The following TACR3 variants were observed in gnomAD, a reference collection of about 807,000 sequenced individuals.
The protein encoded by TACR3 is neuromedin-K receptor.
Under a neutral mutation model 35.0 loss-of-function variants are expected in TACR3, and 34 were observed. The observed-to-expected ratio is 0.97, with a 90% CI of 0.74 to 1.30. The LOEUF is 1.30. TACR3 is among the 50% of genes most tolerant of loss of function. TACR3 has a pLI of 0.00. For missense variants in TACR3, 558 were observed against 591.7 expected, an observed-to-expected ratio of 0.94 and a Z score of 0.59; for synonymous variants, 233 against 221.1, an observed-to-expected ratio of 1.05 and a Z score of -0.48.
chr4:103,619,016 T>C (rs558175833), intron 3 of TACR3, among the ~76,000 whole-genome samples: 3 of 152,190 alleles, frequency 2.0e-5, no homozygotes, highest in Non-Finnish European at 4.4e-5. Context: ...ATATTTCACG[T>C]AGAGAATAAT....
chr4:103,608,986 A>C (rs982249512), intron 3 of TACR3, among the ~76,000 whole-genome samples: 1 of 152,096 alleles, frequency 6.6e-6, no homozygotes, highest in African/African-American at 2.4e-5. Context: ...TCATTAGCTA[A>C]ATAGATGAGG....
chr4:103,668,597 C>T (rs1161874367), intron 1 of TACR3, among the ~76,000 whole-genome samples: 1 of 151,924 alleles, frequency 6.6e-6, no homozygotes, highest in East Asian at 1.9e-4. Flanking sequence ...CCTGTAATCC[C>T]AGCATTTTGG....
chr4:103,592,600 A>G (rs1407986877), intron 3 of TACR3, among the ~76,000 whole-genome samples: 1 of 152,232 alleles, frequency 6.6e-6, no homozygotes, highest in Non-Finnish European at 1.5e-5. Flanking sequence ...AACAATGTTC[A>G]TATCTCTTTT....
chr4:103,704,101 C>G (rs1237235948), intron 1 of TACR3, among the ~76,000 whole-genome samples: 1 of 58,702 alleles, frequency 1.7e-5, no homozygotes, highest in Non-Finnish European at 2.8e-5. Flanking sequence ...GAAACTCTAT[C>G]TCACAAAAAA....
intron 1 of TACR3, among the ~76,000 whole-genome samples, chr4:103,688,465 C>T (rs372227566): frequency 5.3e-5 from 8 of 150,424 alleles, no homozygotes; most frequent in East Asian, 2.0e-4. Flanking sequence ...ACAGGCAACC[C>T]ACAAAATGGG....
At chr4:103,669,479 T>C (rs1726006276) in intron 1 of TACR3, among the ~76,000 whole-genome samples, 1 of 152,184 alleles carries the variant, frequency 6.6e-6, no homozygotes, top group African/African-American at 2.4e-5. Context: ...GAGTGTTTCC[T>C]TTGTTCTGCA....
intron 4 of TACR3, among the ~76,000 whole-genome samples, chr4:103,590,539 G>A (rs1723870439): frequency 6.6e-6 from 1 of 151,934 alleles, no homozygotes; most frequent in Non-Finnish European, 1.5e-5. Flanking sequence ...AATTAAAAGT[G>A]GATGTAATGC....
At chr4:103,594,425 C>T (rs1047888473) in intron 3 of TACR3, among the ~76,000 whole-genome samples, 15 of 152,276 alleles carry the variant, frequency 9.9e-5, no homozygotes, top group Middle Eastern at 6.8e-3. Context: ...GATCCACCCA[C>T]CTCGGCCTCC....
intron 3 of TACR3, among the ~76,000 whole-genome samples, chr4:103,626,408 A>C (rs147597017): frequency 6.6e-6 from 1 of 150,862 alleles, no homozygotes; most frequent in South Asian, 2.1e-4. Context: ...GTGGGCTTTT[A>C]TTATTATTGT....
chr4:103,704,913 C>A (rs75275828), intron 1 of TACR3, among the ~76,000 whole-genome samples: 1 of 152,126 alleles, frequency 6.6e-6, no homozygotes, highest in Non-Finnish European at 1.5e-5. Context: ...CATATTTATA[C>A]ACAAGGGCAT....
At chr4:103,717,934 T>G (rs1210445651) in intron 1 of TACR3, among the ~76,000 whole-genome samples, 1 of 152,040 alleles carries the variant, frequency 6.6e-6, no homozygotes, top group Non-Finnish European at 1.5e-5. Context: ...TTTTAAAAAG[T>G]GTGATTTTGT....
At position 103,695,711 on chromosome 4, in the gene TACR3, C is replaced by G. The variant is rs553922164; in HGVS notation, c.548+23417G>C. Among the ~76,000 whole-genome samples, 1,185 of 146,182 alleles carry G rather than the reference C, an allele frequency of 8.1e-3. 24 individuals carry two copies. Among genetic ancestry groups the G allele is most frequent in the Admixed American group, 0.042 (608 of 14,534 alleles). The stretch of plus-strand genomic sequence containing the variant: ...ACAGAATATAGATATGTCTCTCTCT[C>G]TGTGTGTGTGTGTGTGTGTGTGTGT... On this transcript the variant is annotated intron_variant, in intron 1 of 4. Coordinates refer to ENST00000304883, the MANE Select transcript of TACR3 (RefSeq NM_001059.3).
chr4:103,703,963 G>A (rs1242650722), intron 1 of TACR3, among the ~76,000 whole-genome samples: 1 of 151,732 alleles, frequency 6.6e-6, no homozygotes, highest in Non-Finnish European at 1.5e-5. Context: ...ATTTAGCAGG[G>A]CGTGGTAGCA....
At chr4:103,638,263 C>A (rs1441728847) in intron 3 of TACR3, among the ~76,000 whole-genome samples, 32 of 150,608 alleles carry the variant, frequency 2.1e-4, no homozygotes, top group African/African-American at 6.6e-4. Flanking sequence ...TGGAACAGAA[C>A]AGAGCCCTCA....
chr4:103,671,326 T>A (rs530203559), intron 1 of TACR3, among the ~76,000 whole-genome samples: 2 of 152,182 alleles, frequency 1.3e-5, no homozygotes, highest in African/African-American at 4.8e-5. Context: ...AAGTATTCCC[T>A]CTTCCTAATA....
intron 3 of TACR3, among the ~76,000 whole-genome samples, chr4:103,629,857 A>AAAAAAC (rs1725010316): frequency 1.7e-5 from 2 of 117,144 alleles, no homozygotes; most frequent in African/African-American, 3.5e-5. Flanking sequence ...AAACAAAAAA[A>AAAAAAC]AAACAAAAAA....
At chr4:103,644,601 T>C (rs768293809) in intron 3 of TACR3, among the ~76,000 whole-genome samples, 4 of 151,760 alleles carry the variant, frequency 2.6e-5, no homozygotes, top group Non-Finnish European at 4.4e-5. Context: ...ATTCCTACAA[T>C]ATTTTTCTTT....
intron 1 of TACR3, among the ~76,000 whole-genome samples, chr4:103,716,754 T>C (rs1186633001): frequency 1.3e-5 from 2 of 152,208 alleles, no homozygotes; most frequent in Non-Finnish European, 2.9e-5. Flanking sequence ...ACAAAGCGAA[T>C]TGAATATATT....
chr4:103,705,953 T>A (rs1560539260), intron 1 of TACR3, among the ~76,000 whole-genome samples: 1 of 152,178 alleles, frequency 6.6e-6, no homozygotes, highest in South Asian at 2.1e-4. Flanking sequence ...TTCTCATGTA[T>A]GTTTTGAAAA....
Sources: allele counts gnomAD v4.1 joint callset (sites outside exome capture counted in the v4.1 genomes callset), GRCh38; gene constraint gnomAD v4.1.1; transcripts MANE v1.5; gene names NCBI Gene and HGNC (gene_info 2026-07-23, HGNC 2026-07-21).